CNTNAP2: variants seen among roughly 807,000 people sequenced by gnomAD.
CNTNAP2 encodes the protein contactin associated protein 2.
CNTNAP2 carries 98 observed loss-of-function variants against 155.2 expected under a neutral mutation model. The observed-to-expected ratio is 0.63, with a 90% CI of 0.54 to 0.75. CNTNAP2 has a LOEUF of 0.75. Ranked by LOEUF, CNTNAP2 falls within the 30% of genes least tolerant of loss-of-function variation. CNTNAP2 has a pLI of 0.00. For synonymous variants in CNTNAP2, 651 were observed against 631.2 expected, an observed-to-expected ratio of 1.03 and a Z score of -0.47; for missense variants, 1,727 against 1,688.1, an observed-to-expected ratio of 1.02 and a Z score of -0.40.
rs372386633 is a variant in CNTNAP2 at position 147,121,079 on chromosome 7, G to A, written c.855G>A (p.Gly285=). 48 of 1,614,010 alleles carry A rather than the reference G, an allele frequency of 3.0e-5. No individual in the cohort carries two copies. Among genetic ancestry groups the A allele is most frequent in the Admixed American group, 1.0e-4 (6 of 60,000 alleles). The part of the protein sequence containing the change: ...HWHSVVIERQ[G]RSINLTLDRS... ...ACTCTGTGGTCATTGAGCGCCAGGG[G>A]CGGAGCATTAACCTCACTCTGGACA... The change falls in exon 6 of 24, where the codon GGG becomes GGA. Residue 285 remains glycine, a synonymous_variant. Coordinates refer to ENST00000361727, the MANE Select transcript of CNTNAP2 (RefSeq NM_014141.6).
intron 1 of CNTNAP2, among the ~76,000 whole-genome samples, chr7:146,360,938 A>G (rs1795073348): frequency 6.6e-6 from 1 of 152,192 alleles, no homozygotes; most frequent in African/African-American, 2.4e-5. Flanking sequence ...TCAAGACACT[A>G]TACACTTGTC....
At chr7:147,826,711 G>T (rs548344447) in intron 13 of CNTNAP2, among the ~76,000 whole-genome samples, 2 of 152,030 alleles carry the variant, frequency 1.3e-5, no homozygotes, top group South Asian at 4.1e-4. Context: ...GATAGAGAAC[G>T]CTGGGATAAA....
At chr7:147,069,782 A>G (rs1799854197) in intron 4 of CNTNAP2, among the ~76,000 whole-genome samples, 1 of 152,186 alleles carries the variant, frequency 6.6e-6, no homozygotes, top group Non-Finnish European at 1.5e-5. Context: ...ATTTTCTGTG[A>G]TAGAGGAAAT....
At chr7:147,634,171 A>G (rs1235105000) in intron 12 of CNTNAP2, among the ~76,000 whole-genome samples, 1 of 152,224 alleles carries the variant, frequency 6.6e-6, no homozygotes, top group Non-Finnish European at 1.5e-5. Flanking sequence ...TTACAGCAAC[A>G]GTATTTGCAA....
At chr7:148,367,514 C>T (rs1482427733) in intron 21 of CNTNAP2, among the ~76,000 whole-genome samples, 1 of 151,654 alleles carries the variant, frequency 6.6e-6, no homozygotes, top group Non-Finnish European at 1.5e-5. Flanking sequence ...AGCAAAAGTG[C>T]CTAGGGCCTG....
chr7:148,284,559 TAGATTAACAAG>T (rs370979252), intron 21 of CNTNAP2, among the ~76,000 whole-genome samples: 245 of 150,352 alleles, frequency 1.6e-3, no homozygotes, highest in African/African-American at 5.5e-3. Flanking sequence ...CTCAGCACAC[TAGATTAACAAG>T]TCCAACTAAG....
intron 13 of CNTNAP2, among the ~76,000 whole-genome samples, chr7:147,763,521 G>T (rs1050267181): frequency 6.6e-6 from 1 of 151,816 alleles, no homozygotes; most frequent in Non-Finnish European, 1.5e-5. Context: ...GCTAAAAGAA[G>T]ACTAAAGGTA....
intron 8 of CNTNAP2, among the ~76,000 whole-genome samples, chr7:147,169,528 G>A (rs369083497): frequency 6.6e-6 from 1 of 151,958 alleles, no homozygotes; most frequent in South Asian, 2.1e-4. Context: ...GAGAACACGC[G>A]GTATTTGGTT....
chr7:146,449,566 A>G (rs758856403), intron 1 of CNTNAP2, among the ~76,000 whole-genome samples: 2 of 152,170 alleles, frequency 1.3e-5, no homozygotes, highest in Non-Finnish European at 2.9e-5. Context: ...GTTCACAGAA[A>G]GAATAGAGAA....
At chr7:146,726,441 C>A (rs73740826) in intron 1 of CNTNAP2, among the ~76,000 whole-genome samples, 1 of 151,928 alleles carries the variant, frequency 6.6e-6, no homozygotes, top group Non-Finnish European at 1.5e-5. Context: ...TCTCTGCATT[C>A]CAAATTACTT....
chr7:146,229,453 G>A (rs1799348716), intron 1 of CNTNAP2, among the ~76,000 whole-genome samples: 2 of 152,128 alleles, frequency 1.3e-5, no homozygotes, highest in African/African-American at 4.8e-5. Flanking sequence ...GCTCCAGGTA[G>A]TGGTTTGAAT....
chr7:146,806,449 T>C (rs923039807), intron 2 of CNTNAP2, among the ~76,000 whole-genome samples: 1 of 151,610 alleles, frequency 6.6e-6, no homozygotes, highest in Admixed American at 6.6e-5. Context: ...TGAGCCAAGA[T>C]TGCACCATTG....
intron 18 of CNTNAP2, among the ~76,000 whole-genome samples, chr7:148,216,016 A>G (rs772138930): frequency 6.6e-6 from 1 of 152,216 alleles, no homozygotes; most frequent in Non-Finnish European, 1.5e-5. Context: ...TAACGGTTGC[A>G]TGGGCGATGG....
intron 3 of CNTNAP2, among the ~76,000 whole-genome samples, chr7:146,870,422 G>T (rs1294613922): frequency 6.6e-6 from 1 of 152,042 alleles, no homozygotes; most frequent in Non-Finnish European, 1.5e-5. Context: ...GAGATCAGTA[G>T]TAACATTCCC....
At chr7:147,745,632 A>G (rs1385950772) in intron 13 of CNTNAP2, among the ~76,000 whole-genome samples, 1 of 152,246 alleles carries the variant, frequency 6.6e-6, no homozygotes, top group Admixed American at 6.5e-5. Flanking sequence ...TAGCCAGAAT[A>G]TATTTCTTTA....
chr7:146,684,857 G>A (rs1384023507), intron 1 of CNTNAP2, among the ~76,000 whole-genome samples: 1 of 151,994 alleles, frequency 6.6e-6, no homozygotes, highest in Non-Finnish European at 1.5e-5. Flanking sequence ...ATGGTGCTCC[G>A]TGACCTTGAT....
intron 10 of CNTNAP2, among the ~76,000 whole-genome samples, chr7:147,466,787 G>A (rs868572263): frequency 6.2e-4 from 94 of 152,112 alleles, no homozygotes; most frequent in African/African-American, 1.2e-3. Flanking sequence ...GCATGGTGGC[G>A]GGTGCCTGTA....
chr7:148,107,468 A>G (rs1002827250), intron 15 of CNTNAP2, among the ~76,000 whole-genome samples: 1 of 152,230 alleles, frequency 6.6e-6, no homozygotes, highest in African/African-American at 2.4e-5. Context: ...GAAATGCTGC[A>G]GAGAGAGTGG....
rs1413079273 is a variant in CNTNAP2 at position 147,781,064 on chromosome 7, A to G, written c.2099-122501A>G. Among the ~76,000 whole-genome samples the G allele has an allele frequency of 3.3e-5, 5 of 152,204 alleles. No individual in the cohort carries two copies. The East Asian group carries it at 9.6e-4, about 29-fold the overall frequency. On this transcript the variant is annotated intron_variant, in intron 13 of 23. Coordinates refer to ENST00000361727, the MANE Select transcript of CNTNAP2 (RefSeq NM_014141.6). The stretch of plus-strand genomic sequence containing the variant: ...ATATCAAATGCAGCAAGGACCCTGG[A>G]GCTTCAGTAACTATTGGTAACTTAT...
Sources: gnomAD v4.1 joint callset for allele counts (sites outside exome capture counted in the v4.1 genomes callset) on GRCh38, gnomAD v4.1.1 for gene constraint, MANE v1.5 for transcripts, NCBI Gene and HGNC (gene_info 2026-07-23, HGNC 2026-07-21) for gene names.